The following PPM1H variants were observed in gnomAD, a reference collection of about 807,000 sequenced individuals.
The protein encoded by PPM1H is protein phosphatase 1H.
Under a neutral mutation model 54.9 loss-of-function variants are expected in PPM1H, and 27 were observed. That is an observed-to-expected ratio of 0.49 (90% CI 0.36 to 0.68). The LOEUF (loss-of-function observed/expected upper bound fraction) is 0.68. Among genes scored for constraint, PPM1H ranks in the 30% least tolerant of loss-of-function variants. PPM1H has a pLI of 0.00. For synonymous variants in PPM1H, 305 were observed against 270.8 expected (o/e 1.13, Z -1.24); for missense variants, 596 against 667.8 (o/e 0.89, Z 1.19).
At chr12:62,907,759 G>A (rs757998087) in intron 1 of PPM1H, among the ~76,000 whole-genome samples, 53 of 152,234 alleles carry the variant, frequency 3.5e-4, no homozygotes, top group Non-Finnish European at 3.7e-4. Context: ...AGTCACACAC[G>A]TGTGACAAGC....
At chr12:62,859,033 A>G (rs1203541719) in intron 1 of PPM1H, among the ~76,000 whole-genome samples, 1 of 152,244 alleles carries the variant, frequency 6.6e-6, no homozygotes, top group Admixed American at 6.5e-5. Context: ...AAATCCGTAA[A>G]GTCAGAAGCT....
At chr12:62,905,905 A>G (rs1252379920) in intron 1 of PPM1H, among the ~76,000 whole-genome samples, 2 of 152,204 alleles carry the variant, frequency 1.3e-5, no homozygotes, top group African/African-American at 4.8e-5. Flanking sequence ...TTAGGAGGAC[A>G]GGACAATGGA....
intron 5 of PPM1H, among the ~76,000 whole-genome samples, chr12:62,734,466 A>T (rs940785213): frequency 6.6e-6 from 1 of 152,180 alleles, no homozygotes; most frequent in Non-Finnish European, 1.5e-5. Context: ...TGTTGAAGAA[A>T]TTGGGAGTCA....
chr12:62,776,657 G>A (rs1450395424), intron 4 of PPM1H, among the ~76,000 whole-genome samples: 2 of 152,190 alleles, frequency 1.3e-5, no homozygotes, highest in African/African-American at 4.8e-5. Context: ...TTCTGGAGGG[G>A]TGAGGGCCAG....
chr12:62,898,629 C>T (rs1208081648), intron 1 of PPM1H, among the ~76,000 whole-genome samples: 1 of 152,156 alleles, frequency 6.6e-6, no homozygotes, highest in Non-Finnish European at 1.5e-5. Context: ...CTCAAATACA[C>T]AGATTTTTTC....
chr12:62,758,799 A>G (rs2076489739), intron 4 of PPM1H, among the ~76,000 whole-genome samples: 1 of 152,216 alleles, frequency 6.6e-6, no homozygotes. Flanking sequence ...AAGCTAAGCC[A>G]TCATATTCCC....
At chr12:62,919,546 T>C (rs994056929) in intron 1 of PPM1H, among the ~76,000 whole-genome samples, 3 of 152,264 alleles carry the variant, frequency 2.0e-5, no homozygotes, top group African/African-American at 7.2e-5. Context: ...TGATTTTCAC[T>C]ACACCTTCAT....
chr12:62,795,361 T>G (rs1166761135), intron 3 of PPM1H, among the ~76,000 whole-genome samples: 1 of 152,150 alleles, frequency 6.6e-6, no homozygotes, highest in East Asian at 1.9e-4. Flanking sequence ...CTCCTTTTGT[T>G]ATTTAGAATA....
intron 6 of PPM1H, among the ~76,000 whole-genome samples, chr12:62,709,783 C>T (rs1375336941): frequency 6.6e-6 from 1 of 152,096 alleles, no homozygotes; most frequent in East Asian, 1.9e-4. Context: ...AATAAATTTC[C>T]AGAAAGGCCG....
intron 6 of PPM1H, among the ~76,000 whole-genome samples, chr12:62,709,590 T>G (rs2120417840): frequency 6.6e-6 from 1 of 152,072 alleles, no homozygotes; most frequent in Admixed American, 6.5e-5. Flanking sequence ...TCCTCCCCAA[T>G]CCCAATCTCC....
At chr12:62,689,190 T>C in intron 8 of PPM1H, among the ~76,000 whole-genome samples, 1 of 152,138 alleles carries the variant, frequency 6.6e-6, no homozygotes, top group East Asian at 1.9e-4. Context: ...TGTTTGGAGT[T>C]GGGGAGAAAG....
intron 8 of PPM1H, among the ~76,000 whole-genome samples, chr12:62,686,787 G>A (rs2076054749): frequency 6.6e-6 from 1 of 152,254 alleles, no homozygotes; most frequent in Admixed American, 6.5e-5. Context: ...TATCTTCCAT[G>A]CCCAACATTT....
At chr12:62,798,334 CACAGAGT>C (rs1486229653) in intron 3 of PPM1H, among the ~76,000 whole-genome samples, 3 of 152,216 alleles carry the variant, frequency 2.0e-5, no homozygotes, top group African/African-American at 7.2e-5. Flanking sequence ...GTAAGGTGAA[CACAGAGT>C]AGCTACCTGT....
rs1406931877 is a variant in PPM1H, at chr12:62,646,941, C to G, written c.*1548G>C. On this transcript the variant is annotated 3_prime_UTR_variant, in exon 10 of 10. Transcript: ENST00000228705. Reference sequence around the variant, plus strand: ...GAACTGGAATTAGCTCTCTAGCATGCTGGGGGGGTCACGTCAGTGACCTTT... The same window carrying G: ...GAACTGGAATTAGCTCTCTAGCATGGTGGGGGGGTCACGTCAGTGACCTTT... The G allele has an allele frequency of 1.3e-5, 2 of 152,242 alleles. No homozygotes were observed. The highest frequency in any genetic ancestry group is 3.8e-4 in the East Asian group (2 of 5,202). 9.4% of individuals were successfully genotyped at this position (152,242 alleles called of 1,614,324 possible).
At chr12:62,673,876 C>T (rs1415292282) in intron 8 of PPM1H, among the ~76,000 whole-genome samples, 2 of 151,606 alleles carry the variant, frequency 1.3e-5, no homozygotes, top group South Asian at 4.2e-4. Context: ...CAGGTGCACA[C>T]CACCTATACT....
intron 1 of PPM1H, among the ~76,000 whole-genome samples, chr12:62,896,797 T>A (rs111369744): frequency 1.3e-5 from 2 of 152,188 alleles, no homozygotes; most frequent in African/African-American, 2.4e-5. Context: ...AGACACATGC[T>A]CACATATGTT....
intron 1 of PPM1H, among the ~76,000 whole-genome samples, chr12:62,870,632 G>C (rs917523536): frequency 6.6e-6 from 1 of 152,194 alleles, no homozygotes; most frequent in East Asian, 1.9e-4. Flanking sequence ...TTTGTCGACA[G>C]GACAGAATGG....
intron 4 of PPM1H, among the ~76,000 whole-genome samples, chr12:62,748,424 T>G (rs2076424300): frequency 6.6e-6 from 1 of 152,032 alleles, no homozygotes; most frequent in South Asian, 2.1e-4. Flanking sequence ...TTTAAAAAAG[T>G]CCTGGGAGTG....
intron 4 of PPM1H, among the ~76,000 whole-genome samples, chr12:62,768,806 G>A (rs768253149): frequency 6.6e-6 from 1 of 152,064 alleles, no homozygotes; most frequent in Non-Finnish European, 1.5e-5. Flanking sequence ...TTTGGAGGAG[G>A]TGGAACAAAG....
Sources: gnomAD v4.1 joint callset for allele counts (sites outside exome capture counted in the v4.1 genomes callset) on GRCh38, gnomAD v4.1.1 for gene constraint, MANE v1.5 for transcripts, NCBI Gene and HGNC (gene_info 2026-07-23, HGNC 2026-07-21) for gene names.